KIF26B: variants seen among roughly 807,000 people sequenced by gnomAD.
The protein encoded by KIF26B is kinesin family member 26B, also known as kinesin-like protein KIF26B.
In KIF26B, 63 loss-of-function variants were observed where a neutral mutation model predicts 151.2. That is an observed-to-expected ratio of 0.42 (90% confidence interval 0.34 to 0.51). The LOEUF (loss-of-function observed/expected upper bound fraction) is 0.51, where lower values mean the gene tolerates loss of function less well. Among genes scored for constraint, KIF26B ranks in the 20% least tolerant of loss-of-function variants. The pLI is 0.07. For synonymous variants in KIF26B, 1,357 were observed against 1,262.1 expected (o/e 1.08, Z -1.59); for missense variants, 2,813 against 2,913.6 (o/e 0.97, Z 0.79).
chr1:245,591,578 G>A (rs915880651), intron 5 of KIF26B, among the ~76,000 whole-genome samples: 1 of 152,196 alleles, frequency 6.6e-6, no homozygotes, highest in East Asian at 1.9e-4. Context: ...CATGTGCCCT[G>A]TAAGTCGCAG....
At chr1:245,371,425 G>C (rs1288673281) in intron 3 of KIF26B, 1 of 152,240 alleles carries the variant, frequency 6.6e-6, no homozygotes, top group Admixed American at 6.5e-5. Flanking sequence ...CCACAGAGCA[G>C]ATGGCCTCTG....
intron 2 of KIF26B, among the ~76,000 whole-genome samples, chr1:245,347,804 T>C (rs1672483812): frequency 6.6e-6 from 1 of 152,286 alleles, no homozygotes; most frequent in African/African-American, 2.4e-5. Flanking sequence ...TTGTAATAGA[T>C]AATAATTGTA....
chr1:245,501,651 T>G (rs376197560), intron 4 of KIF26B, among the ~76,000 whole-genome samples: 2 of 152,224 alleles, frequency 1.3e-5, no homozygotes, highest in East Asian at 1.9e-4. Flanking sequence ...TGGACTAGTG[T>G]GGTAGTAGGA....
intron 2 of KIF26B, among the ~76,000 whole-genome samples, chr1:245,296,682 G>T (rs1336436936): frequency 6.6e-6 from 1 of 152,182 alleles, no homozygotes; most frequent in Non-Finnish European, 1.5e-5. Context: ...CCAGCTACTG[G>T]CTTCCACGTC....
chr1:245,518,898 T>C (rs1661027587), intron 4 of KIF26B, among the ~76,000 whole-genome samples: 1 of 152,206 alleles, frequency 6.6e-6, no homozygotes, highest in Admixed American at 6.5e-5. Flanking sequence ...TGAGGACTGC[T>C]ACACTCTTAC....
At chr1:245,635,579 G>T (rs143809327) in intron 9 of KIF26B, among the ~76,000 whole-genome samples, 1 of 151,632 alleles carries the variant, frequency 6.6e-6, no homozygotes, top group Non-Finnish European at 1.5e-5. Flanking sequence ...TTGATTCATC[G>T]ACTTTTCTCC....
intron 10 of KIF26B, among the ~76,000 whole-genome samples, chr1:245,672,285 A>G (rs549364054): frequency 4.6e-5 from 7 of 152,288 alleles, no homozygotes; most frequent in African/African-American, 1.4e-4. Context: ...CAGGGGTGGA[A>G]GGAGGTGGCT....
intron 5 of KIF26B, among the ~76,000 whole-genome samples, chr1:245,569,953 T>TTTTTTG (rs2043050324): frequency 7.7e-6 from 1 of 129,964 alleles, no homozygotes; most frequent in African/African-American, 2.9e-5. Flanking sequence ...TTTTTTTTTT[T>TTTTTTG]GAGACGGAGT....
At chr1:245,684,468 A>C in intron 11 of KIF26B, 73 bp downstream of exon 11, 1 of 1,443,922 alleles carries the variant, frequency 6.9e-7, no homozygotes, top group Non-Finnish European at 9.3e-7. Flanking sequence ...CAGAGTCAGA[A>C]AAAGCCAAAT....
intron 2 of KIF26B, among the ~76,000 whole-genome samples, chr1:245,274,462 A>G (rs1670906402): frequency 6.6e-6 from 1 of 151,722 alleles, no homozygotes; most frequent in African/African-American, 2.4e-5. Context: ...CTTATGAGTG[A>G]GAACATGCGG....
chr1:245,464,349 A>C (rs566650825), intron 4 of KIF26B, among the ~76,000 whole-genome samples: 6 of 151,986 alleles, frequency 3.9e-5, no homozygotes, highest in African/African-American at 7.2e-5. Flanking sequence ...ACGTGTGTGC[A>C]TCTGTGGGTG....
intron 12 of KIF26B, among the ~76,000 whole-genome samples, chr1:245,694,330 A>T (rs530099812): frequency 2.6e-5 from 4 of 152,322 alleles, no homozygotes; most frequent in African/African-American, 9.6e-5. Context: ...TTTCAACATT[A>T]GTGCCTCGTG....
In KIF26B at chr1:245,395,936, A is replaced by AG. The variant is rs1196270071; in HGVS notation, c.1000-23636dup. Among the ~76,000 whole-genome samples the AG allele has an allele frequency of 2.6e-5, 4 of 152,056 alleles. No homozygotes were observed. In the South Asian group the frequency reaches 8.3e-4, roughly 32 times the overall value. ...GCTTCAGTTTCTTAATCTGTAGAACAGGGGGGGAAATTTCTTCCTAGCGAT... is the reference window on the plus strand; with the variant it reads ...GCTTCAGTTTCTTAATCTGTAGAACAGGGGGGGGAAATTTCTTCCTAGCGAT... On this transcript the variant is annotated intron_variant, in intron 3 of 14. Transcript: ENST00000407071.
intron 10 of KIF26B, among the ~76,000 whole-genome samples, chr1:245,679,786 G>T (rs1295325782): frequency 1.3e-5 from 2 of 151,980 alleles, no homozygotes. Context: ...ATTTTCAAAG[G>T]CAAGTGTGGT....
rs182557491 is a variant in KIF26B at position 245,419,625 on chromosome 1, C to T, written c.1046C>T (p.Ala349Val). 1.2e-6 allele frequency: 2 copies of T among 1,613,638 alleles called. No homozygotes were observed. The highest frequency in any genetic ancestry group is 1.7e-5 in the Admixed American group (1 of 59,980). Residue 349 changes from alanine (A) to valine (V), a missense_variant, in exon 4 of 15, where the codon GCA (alanine) becomes GTA (valine). By Grantham distance (64) the Ala-to-Val change is moderately conservative. Around this residue, in one of 3 missense-constraint regions of KIF26B, gnomAD observed 676 missense variants for 688.1 expected, o/e 0.98. Transcript: ENST00000407071. ...TESSREGLTEAVLNRYNADKP... is the reference protein window; with the variant it reads ...TESSREGLTEVVLNRYNADKP... ...AGTAGCCGGGAGGGACTAACAGAAG[C>T]AGTGCTGAACCGCTACAATGCAGAC...
chr1:245,484,754 C>A, intron 4 of KIF26B, among the ~76,000 whole-genome samples: 1 of 143,440 alleles, frequency 7.0e-6, no homozygotes, highest in South Asian at 2.2e-4. Context: ...TCCTCTTCTT[C>A]TTCTTCTTCT....
intron 2 of KIF26B, among the ~76,000 whole-genome samples, chr1:245,191,884 A>G (rs1245132745): frequency 6.6e-6 from 1 of 152,240 alleles, no homozygotes; most frequent in Non-Finnish European, 1.5e-5. Flanking sequence ...AAATCGAAAC[A>G]ACAGTAAGCT....
chr1:245,184,050 G>GTTTTTTTTTTTTT lies in KIF26B; in HGVS notation c.465+27374_465+27386dup, dbSNP rs758993117. Among the ~76,000 whole-genome samples the GTTTTTTTTTTTTT allele has an allele frequency of 5.6e-3, 111 of 19,796 alleles. 32 individuals are homozygous for GTTTTTTTTTTTTT. Among genetic ancestry groups the GTTTTTTTTTTTTT allele is most frequent in the Middle Eastern group, 0.067 (2 of 30 alleles). 13.0% of individuals were successfully genotyped at this position (19,796 alleles called of 152,430 possible). A position where few individuals can be genotyped will look rare whatever the true frequency, so the allele number is the denominator to read the frequency against. On this transcript the variant is annotated intron_variant, in intron 2 of 14. Transcript: ENST00000407071. ...GCAACAGGTATGGGTGGGAGTTGTTGTTTTTTTTTTTTTTTTTTTGAGCTT... is the reference window on the plus strand; with the variant it reads ...GCAACAGGTATGGGTGGGAGTTGTTGTTTTTTTTTTTTTTTTTTTTTTTTTTTTTTTTGAGCTT...
At chr1:245,690,755 C>T (rs2044614670) in intron 12 of KIF26B, among the ~76,000 whole-genome samples, 1 of 151,386 alleles carries the variant, frequency 6.6e-6, no homozygotes, top group Non-Finnish European at 1.5e-5. Context: ...GGGGGGTATG[C>T]TTCAGTCTTT....
Sources: allele counts gnomAD v4.1 joint callset (sites outside exome capture counted in the v4.1 genomes callset), GRCh38; gene constraint gnomAD v4.1.1; regional missense constraint gnomAD v4.1.1; transcripts MANE v1.5; gene names NCBI Gene and HGNC (gene_info 2026-07-23, HGNC 2026-07-21).